The following PRXL2A variants were observed in gnomAD, a reference collection of about 807,000 sequenced individuals.
PRXL2A encodes peroxiredoxin like 2A.
A neutral mutation model predicts 25.6 loss-of-function variants in PRXL2A; 26 were observed. The observed-to-expected ratio is 1.02, with a 90% CI of 0.74 to 1.41. The LOEUF is 1.41. Among genes scored for constraint, PRXL2A ranks in the 40% most tolerant of loss-of-function variants. PRXL2A has a pLI of 0.00. For missense variants in PRXL2A, 246 were observed against 273.9 expected, an observed-to-expected ratio of 0.90 and a Z score of 0.72; for synonymous variants, 98 against 102.9, an observed-to-expected ratio of 0.95 and a Z score of 0.29.
chr10:80,420,769 T>G (rs896571306), intron 2 of PRXL2A, 124 bp downstream of exon 2: 10 of 707,218 alleles, frequency 1.4e-5, no homozygotes, highest in East Asian at 3.2e-5. Context: ...TAGGAAAAAT[T>G]TAATAACAAT....
At chr10:80,429,042 C>T (rs1179290210) in intron 5 of PRXL2A, among the ~76,000 whole-genome samples, 2 of 152,116 alleles carry the variant, frequency 1.3e-5, no homozygotes, top group African/African-American at 4.8e-5. Context: ...GCTGAGACTA[C>T]AGGCACCCAC....
chr10:80,424,712 T>A (rs960089208), intron 3 of PRXL2A, among the ~76,000 whole-genome samples: 1 of 151,910 alleles, frequency 6.6e-6, no homozygotes, highest in African/African-American at 2.4e-5. Flanking sequence ...ATACAAAAAA[T>A]TAGCCAGGTG....
chr10:80,429,665 C>T (rs1207288436), intron 5 of PRXL2A, among the ~76,000 whole-genome samples: 1 of 149,598 alleles, frequency 6.7e-6, no homozygotes, highest in Non-Finnish European at 1.5e-5. Flanking sequence ...CCCTTCCCTG[C>T]CCCTAGCCTC....
intron 1 of PRXL2A, among the ~76,000 whole-genome samples, chr10:80,410,455 G>A (rs1192096791): frequency 1.3e-5 from 2 of 152,166 alleles, no homozygotes; most frequent in African/African-American, 2.4e-5. Flanking sequence ...CAGAAAGCAG[G>A]CCTGCAGTGA....
intron 1 of PRXL2A, 62 bp from the exon 2 acceptor site, chr10:80,420,404 A>T: frequency 6.6e-7 from 1 of 1,505,264 alleles, no homozygotes; most frequent in Non-Finnish European, 8.9e-7. Context: ...CTTGCCTGGA[A>T]GATGAAATTC....
At chr10:80,431,860 G>A in intron 5 of PRXL2A, 126 bp from the exon 6 acceptor site, 7 of 703,974 alleles carry the variant, frequency 9.9e-6, no homozygotes, top group Non-Finnish European at 5.0e-6. Flanking sequence ...CAGGAGCCAG[G>A]CCATATTTGG....
intron 4 of PRXL2A, among the ~76,000 whole-genome samples, chr10:80,426,442 G>A (rs1845045911): frequency 6.6e-6 from 1 of 152,224 alleles, no homozygotes; most frequent in Non-Finnish European, 1.5e-5. Context: ...TTAAGGTAGT[G>A]TAGGCTAAGC....
At chr10:80,426,895 G>A (rs1483649215) in intron 4 of PRXL2A, among the ~76,000 whole-genome samples, 2 of 152,118 alleles carry the variant, frequency 1.3e-5, no homozygotes, top group African/African-American at 4.8e-5. Flanking sequence ...TGTAATCTCA[G>A]CACTTTGGGA....
chr10:80,424,668 C>A (rs540498502), intron 3 of PRXL2A, among the ~76,000 whole-genome samples: 32 of 151,790 alleles, frequency 2.1e-4, no homozygotes, highest in African/African-American at 7.7e-4. Flanking sequence ...GAGTTCAAGA[C>A]CAGCCTGGCC....
At position 80,434,892 on chromosome 10, in the gene PRXL2A, T is replaced by C. The variant is rs1334439909; in HGVS notation, c.*2793T>C. 5.9e-5 allele frequency: 9 copies of C among 152,198 alleles called. No individual in the cohort carries two copies. The highest frequency in any genetic ancestry group is 8.8e-5 in the Non-Finnish European group (6 of 68,038). 9.4% of individuals were successfully genotyped at this position (152,198 alleles called of 1,614,324 possible). A position where few individuals can be genotyped will look rare whatever the true frequency, so the allele number is the denominator to read the frequency against. The stretch of plus-strand genomic sequence containing the variant: ...CCAAAGGGACAGAAAGGATTTACAA[T>C]TGTAAATTTTATAAAGTATGTCCTC... On this transcript the variant is annotated 3_prime_UTR_variant, in exon 6 of 6. Coordinates refer to ENST00000606162, the MANE Select transcript of PRXL2A (RefSeq NM_032333.5).
intron 5 of PRXL2A, among the ~76,000 whole-genome samples, chr10:80,429,598 C>CCTCT (rs1845174061): frequency 7.4e-6 from 1 of 135,538 alleles, no homozygotes; most frequent in Non-Finnish European, 1.6e-5. Flanking sequence ...TCCTGCCCTG[C>CCTCT]CCTGCCCTGC....
At chr10:80,420,787 C>A in intron 2 of PRXL2A, 142 bp downstream of exon 2, 1 of 626,684 alleles carries the variant, frequency 1.6e-6, no homozygotes, top group Non-Finnish European at 2.5e-6. Flanking sequence ...AATTTTTAAA[C>A]TAGGAATAAT....
Position 80,432,017 on chromosome 10 carries a change from T to G in PRXL2A, c.608T>G (p.Phe203Cys), listed in dbSNP as rs774815541. 1 of 1,611,722 alleles carries G rather than the reference T, an allele frequency of 6.2e-7. No homozygotes were observed. Among genetic ancestry groups the G allele is most frequent in the Non-Finnish European group, 8.5e-7 (1 of 1,179,304 alleles). Residue 203 changes from phenylalanine to cysteine, a missense_variant, in exon 6 of 6, where the codon TTT (phenylalanine) becomes TGT (cysteine). Physicochemically the swap from Phe to Cys is radical, Grantham distance 205. Coordinates refer to ENST00000606162, the MANE Select transcript of PRXL2A (RefSeq NM_032333.5). ...CTTCTTGAGCACCGAGAAAAAGAAT[T>G]TGGAGACAAAGTAAACCTACTTTCT... ...GILLEHREKE[F>C]GDKVNLLSVL...
chr10:80,414,860 C>A (rs1000914453), intron 1 of PRXL2A, among the ~76,000 whole-genome samples: 1 of 152,202 alleles, frequency 6.6e-6, no homozygotes, highest in South Asian at 2.1e-4. Flanking sequence ...GGCCTCCATA[C>A]CTCTGCAATC....
At chr10:80,423,841 A>C (rs192502684) in intron 3 of PRXL2A, among the ~76,000 whole-genome samples, 3 of 152,358 alleles carry the variant, frequency 2.0e-5, no homozygotes, top group African/African-American at 4.8e-5. Flanking sequence ...GTAGTTCTAG[A>C]GGTCAGAATT....
intron 3 of PRXL2A, among the ~76,000 whole-genome samples, chr10:80,424,153 A>G (rs548033333): frequency 6.6e-6 from 1 of 152,200 alleles, no homozygotes; most frequent in South Asian, 2.1e-4. Flanking sequence ...TTCCAAAAAG[A>G]TGGGTGGATG....
Position 80,425,886 on chromosome 10 carries a change from C to A in PRXL2A, c.291C>A (p.Ser97=), listed in dbSNP as rs200137753. The stretch of plus-strand genomic sequence containing the variant: ...TACAGGAAGCTGCGGATCTGTCCTC[C>A]CTGAAAAGCATGTTGGACCAGCTGG... ...LCREEAADLS[S]LKSMLDQLGV... Residue 97 remains serine (S), a synonymous_variant, in exon 4 of 6, where the codon TCC becomes TCA. Transcript: ENST00000606162. 1 of 1,614,226 alleles carries A rather than the reference C, an allele frequency of 6.2e-7. No homozygotes were observed. The highest frequency in any genetic ancestry group is 8.5e-7 in the Non-Finnish European group (1 of 1,180,046).
intron 1 of PRXL2A, among the ~76,000 whole-genome samples, 163 bp downstream of exon 1, chr10:80,408,806 C>G (rs1004802119): frequency 4.6e-5 from 7 of 152,184 alleles, no homozygotes; most frequent in African/African-American, 1.4e-4. Flanking sequence ...GGAGCCGCCG[C>G]AGCGCTGGCG....
At chr10:80,419,312 CTT>C (rs71482779) in intron 1 of PRXL2A, among the ~76,000 whole-genome samples, 1 of 83,836 alleles carries the variant, frequency 1.2e-5, no homozygotes, top group Non-Finnish European at 2.4e-5. Context: ...TTTTTTTTTT[CTT>C]TTTTTTTTTT....
Sources: gnomAD v4.1 joint callset for allele counts (sites outside exome capture counted in the v4.1 genomes callset) on GRCh38, gnomAD v4.1.1 for gene constraint, MANE v1.5 for transcripts, NCBI Gene and HGNC (gene_info 2026-07-23, HGNC 2026-07-21) for gene names.